SEMA3D: variants seen among roughly 807,000 people sequenced by gnomAD.
SEMA3D encodes semaphorin-3D.
Under a neutral mutation model 100.1 loss-of-function variants are expected in SEMA3D, and 84 were observed. That is an observed-to-expected ratio of 0.84 (90% confidence interval 0.70 to 1.01). The LOEUF is 1.01. SEMA3D is among the 50% of genes least tolerant of loss of function. The probability of loss-of-function intolerance (pLI) is 0.00; values close to 1 mark genes in which losing one functional copy is unlikely to be tolerated. For synonymous variants in SEMA3D, 312 were observed against 320.7 expected (o/e 0.97, Z 0.29); for missense variants, 875 against 934.1 (o/e 0.94, Z 0.82).
chr7:85,073,031 G>A lies in SEMA3D; in HGVS notation c.426C>T (p.His142=), dbSNP rs1484081904. 5 of 1,611,492 alleles carry A rather than the reference G, an allele frequency of 3.1e-6. No individual in the cohort carries two copies. The highest frequency in any genetic ancestry group is 4.2e-6 in the Non-Finnish European group (5 of 1,178,000). ...ATGCTCCAGTTCCACACACATATAT[G>A]TGAGTTTTGTTATAGGGCTGAAGTA... ...IRVLQPYNKT[H]IYVCGTGAFH... Residue 142 remains histidine (H), a synonymous_variant, in exon 6 of 19, where the codon CAC becomes CAT. Coordinates refer to ENST00000284136, the MANE Select transcript of SEMA3D (RefSeq NM_001384900.1).
intron 2 of SEMA3D, among the ~76,000 whole-genome samples, chr7:85,130,396 C>T (rs889539964): frequency 6.6e-5 from 10 of 152,152 alleles, no homozygotes; most frequent in African/African-American, 2.4e-5. Flanking sequence ...TTCATGCATT[C>T]CATCTTGTTT....
intron 5 of SEMA3D, among the ~76,000 whole-genome samples, chr7:85,077,214 CAG>C (rs1326580313): frequency 6.7e-6 from 1 of 150,252 alleles, no homozygotes; most frequent in East Asian, 2.0e-4. Flanking sequence ...AGAGATCTAA[CAG>C]TGAAGATTTC....
At chr7:85,134,553 G>A (rs1789805929) in intron 2 of SEMA3D, among the ~76,000 whole-genome samples, 2 of 151,848 alleles carry the variant, frequency 1.3e-5, no homozygotes, top group Admixed American at 1.3e-4. Context: ...ATTTTCATTT[G>A]TACCTTCCAG....
intron 1 of SEMA3D, among the ~76,000 whole-genome samples, chr7:85,158,936 C>T (rs144040526): frequency 3.6e-4 from 55 of 152,158 alleles, no homozygotes; most frequent in African/African-American, 1.3e-3. Context: ...AATTTCTGGC[C>T]CTTTCCACAA....
intron 3 of SEMA3D, among the ~76,000 whole-genome samples, chr7:85,108,521 T>C (rs1788996612): frequency 1.3e-5 from 2 of 152,194 alleles, no homozygotes; most frequent in African/African-American, 2.4e-5. Context: ...ACAGATGTTT[T>C]TGTTTAGAAG....
intron 2 of SEMA3D, among the ~76,000 whole-genome samples, chr7:85,132,742 C>T (rs778623998): frequency 4.0e-5 from 6 of 151,770 alleles, no homozygotes; most frequent in Non-Finnish European, 8.8e-5. Context: ...AAGTTTTATA[C>T]TATCTTTATA....
chr7:84,999,265 C>G lies in SEMA3D; in HGVS notation c.*175G>C, dbSNP rs2115692095. Reference sequence around the variant, plus strand: ...AAGATTTGTTCTTGGAAAACTGGTTCAAATGAATTTTTTGCCCTTTCTTAT... The same window carrying G: ...AAGATTTGTTCTTGGAAAACTGGTTGAAATGAATTTTTTGCCCTTTCTTAT... On this transcript the variant is annotated 3_prime_UTR_variant, in exon 19 of 19. Transcript: ENST00000284136. 3.5e-6 allele frequency: 2 copies of G among 576,236 alleles called. No individual in the cohort carries two copies. The highest frequency in any genetic ancestry group is 5.2e-5 in the South Asian group (2 of 38,338). 35.7% of individuals were successfully genotyped at this position (576,236 alleles called of 1,614,324 possible).
intron 3 of SEMA3D, among the ~76,000 whole-genome samples, chr7:85,115,526 C>T (rs77196981): frequency 0.02 from 2,974 of 152,158 alleles, 60 homozygotes; most frequent in South Asian, 0.082. Flanking sequence ...CCGGAGTTTC[C>T]CTTTTTATGT....
At chr7:85,090,466 T>C (rs533404777) in intron 4 of SEMA3D, among the ~76,000 whole-genome samples, 2 of 152,180 alleles carry the variant, frequency 1.3e-5, no homozygotes, top group Admixed American at 6.5e-5. Context: ...GGGTGTCTTA[T>C]AGCAAAAGTT....
chr7:85,241,260 T>G, the SEMA3D span, among the ~76,000 whole-genome samples: 3 of 151,694 alleles, frequency 2.0e-5, no homozygotes, highest in East Asian at 5.9e-4. Flanking sequence ...CAGTATAGTT[T>G]CCTTGAAGAA....
chr7:85,046,122 A>G (rs1387541385), intron 9 of SEMA3D, among the ~76,000 whole-genome samples: 1 of 152,000 alleles, frequency 6.6e-6, no homozygotes, highest in African/African-American at 2.4e-5. Flanking sequence ...TTATTTTGTT[A>G]TGTGAATACA....
At chr7:85,048,735 G>A (rs1200489441) in intron 9 of SEMA3D, among the ~76,000 whole-genome samples, 1 of 151,670 alleles carries the variant, frequency 6.6e-6, no homozygotes, top group African/African-American at 2.4e-5. Flanking sequence ...AAAAAATGAA[G>A]GCAAAAATAA....
At chr7:85,168,618 T>TA (rs1790978317) in intron 1 of SEMA3D, among the ~76,000 whole-genome samples, 1 of 10,972 alleles carries the variant, frequency 9.1e-5, no homozygotes, top group East Asian at 0.062. Flanking sequence ...GTTTCTGCAA[T>TA]TTTTTTTTTT....
At chr7:85,117,107 A>G (rs1447515692) in intron 3 of SEMA3D, among the ~76,000 whole-genome samples, 6 of 152,176 alleles carry the variant, frequency 3.9e-5, no homozygotes, top group South Asian at 4.1e-4. Flanking sequence ...TTCTGAAGCT[A>G]CGTATAAAAA....
At chr7:85,036,793 C>T (rs1359708154) in intron 12 of SEMA3D, 96 bp downstream of exon 12, 2 of 925,800 alleles carry the variant, frequency 2.2e-6, no homozygotes, top group Non-Finnish European at 3.2e-6. Flanking sequence ...TATTACAGCA[C>T]ATGTGGCTCT....
At chr7:85,139,466 C>T (rs937848859) in intron 2 of SEMA3D, among the ~76,000 whole-genome samples, 8 of 152,008 alleles carry the variant, frequency 5.3e-5, no homozygotes, top group Admixed American at 1.3e-4. Context: ...TCAGCAAATG[C>T]TTTTAAGTTA....
At chr7:85,051,171 GT>G (rs912796123) in intron 9 of SEMA3D, among the ~76,000 whole-genome samples, 2 of 151,826 alleles carry the variant, frequency 1.3e-5, no homozygotes, top group African/African-American at 4.8e-5. Context: ...TGGTAAAATA[GT>G]TATGGAAGCA....
At chr7:85,092,874 TA>T (rs1412901846) in intron 4 of SEMA3D, among the ~76,000 whole-genome samples, 2 of 152,020 alleles carry the variant, frequency 1.3e-5, no homozygotes, top group Non-Finnish European at 2.9e-5. Context: ...CAGAGGCAAA[TA>T]AACTCTTGTA....
At chr7:85,027,072 T>C (rs918117579) in intron 12 of SEMA3D, among the ~76,000 whole-genome samples, 2 of 152,194 alleles carry the variant, frequency 1.3e-5, no homozygotes, top group African/African-American at 4.8e-5. Context: ...TTTACTTCTG[T>C]AAAGCAAAAT....
Sources: allele counts gnomAD v4.1 joint callset (sites outside exome capture counted in the v4.1 genomes callset), GRCh38; gene constraint gnomAD v4.1.1; transcripts MANE v1.5; gene names NCBI Gene and HGNC (gene_info 2026-07-23, HGNC 2026-07-21).